Variants in NPC1L1 observed in about 807,000 individuals in gnomAD.
NPC1L1 encodes the protein NPC1 like intracellular cholesterol transporter 1.
Under a neutral mutation model 117.0 loss-of-function variants are expected in NPC1L1, and 98 were observed. That is an observed-to-expected ratio of 0.84 (90% CI 0.71 to 0.99). The LOEUF is 0.99. Among genes scored for constraint, NPC1L1 ranks in the 50% least tolerant of loss-of-function variants. NPC1L1 has a pLI of 0.00. For missense variants in NPC1L1, 1,540 were observed against 1,710.0 expected (o/e 0.90, Z 1.75); for synonymous variants, 729 against 727.6 (o/e 1.00, Z -0.03).
Position 44,536,030 on chromosome 7 carries a change from A to T in NPC1L1, c.1855-62T>A. ...GCCTGCTTCAGCCAGGCCAGCTCTC[A>T]ATAGCTCGGTCACTGGGCACTAATT... On this transcript the variant is annotated intron_variant, in intron 4 of 18. Transcript: ENST00000381160. This position sits in a 1 kb window ranked among gnomAD's most constrained non-coding sequence, Gnocchi z 4.7. 6.2e-7 allele frequency: 1 copy of T among 1,611,322 alleles called. No homozygotes were observed. Among genetic ancestry groups the T allele is most frequent in the Non-Finnish European group, 8.5e-7 (1 of 1,179,502 alleles).
intron 8 of NPC1L1, 190 bp downstream of exon 8, chr7:44,533,241 T>TTTA: frequency 1.6e-6 from 1 of 624,732 alleles, no homozygotes; most frequent in Non-Finnish European, 2.7e-6. Flanking sequence ...ATTTAAAAAA[T>TTTA]TGTCAAAACA....
At position 44,513,331 on chromosome 7, in the gene NPC1L1, T is replaced by C. The variant is rs1365911801; in HGVS notation, c.*116A>G. 1 of 992,768 alleles carries C rather than the reference T, an allele frequency of 1.0e-6. No homozygotes were observed. Among genetic ancestry groups the C allele is most frequent in the Non-Finnish European group, 1.6e-6 (1 of 632,048 alleles). 61.5% of individuals were successfully genotyped at this position (992,768 alleles called of 1,614,324 possible). A position where few individuals can be genotyped will look rare whatever the true frequency, so the allele number is the denominator to read the frequency against. ...CATCCTCCAGTGACAGGCAGTCTCATGGGAATGGCCTCCCCTAGGATTTGA... is the reference window on the plus strand; with the variant it reads ...CATCCTCCAGTGACAGGCAGTCTCACGGGAATGGCCTCCCCTAGGATTTGA... On this transcript the variant is annotated 3_prime_UTR_variant, in exon 19 of 19. Transcript: ENST00000381160.
At position 44,536,990 on chromosome 7, in the gene NPC1L1, C is replaced by A; in HGVS notation, c.1581-48G>T. On this transcript the variant is annotated intron_variant, in intron 2 of 18. Transcript: ENST00000381160. This position sits in a 1 kb window ranked among gnomAD's most constrained non-coding sequence, Gnocchi z 4.7. ...GGAAAGGGCCTTTCCTGGCCCTGCC[C>A]AGTCCCTATGGCCCCTCCCTTCCCC... The A allele has an allele frequency of 1.3e-6, 2 of 1,524,056 alleles. No homozygotes were observed. The highest frequency in any genetic ancestry group is 2.3e-5 in the East Asian group (1 of 43,678). 94.4% of individuals were successfully genotyped at this position (1,524,056 alleles called of 1,614,324 possible).
At position 44,520,818 on chromosome 7, in the gene NPC1L1, C is replaced by T; in HGVS notation, c.3083G>A (p.Gly1028Asp). ...DRPNIKCPKG[G>D]LAAYSTSVNL... The stretch of plus-strand genomic sequence containing the variant: ...CACAGAGGTGCTGTATGCTGCCAGG[C>T]CGCTGCAAGAAGGTCAGGGCAAAGG... The change falls in exon 14 of 19, where the codon GGC becomes GAC. Residue 1028 changes from glycine (G) to aspartate (D), a missense_variant and splice_region_variant. Transcript: ENST00000381160. 1 of 1,614,110 alleles carries T rather than the reference C, an allele frequency of 6.2e-7. No homozygotes were observed. The highest frequency in any genetic ancestry group is 2.2e-5 in the East Asian group (1 of 44,878).
In NPC1L1 at chr7:44,513,561, G is replaced by T; in HGVS notation, c.3885C>A (p.His1295Gln). ...TGTCAGCTGTGGAGACTCGGGAGGGGTGATTTGGGCAAGAGGCCACCATGA... is the reference window on the plus strand; with the variant it reads ...TGTCAGCTGTGGAGACTCGGGAGGGTTGATTTGGGCAAGAGGCCACCATGA... Reference protein sequence around the residue: ...AAVMVASCPNHPSRVSTADNI... With the variant: ...AAVMVASCPNQPSRVSTADNI... Residue 1295 changes from histidine (H) to glutamine (Q), a missense_variant, in exon 19 of 19, where the codon CAC becomes CAA. By Grantham distance (24) the His-to-Gln change is conservative. Transcript: ENST00000381160. The T allele has an allele frequency of 1.9e-6, 3 of 1,614,098 alleles. No individual in the cohort carries two copies. The highest frequency in any genetic ancestry group is 1.3e-5 in the African/African-American group (1 of 75,026).
In NPC1L1 at chr7:44,538,879, G is replaced by T; in HGVS notation, c.1518C>A (p.Asn506Lys). ...GGGAGGTCTGCCCCATCAGTGTCTGGTTGGCTGTGAGCAGCAGGAGCGTGC... is the reference window on the plus strand; with the variant it reads ...GGGAGGTCTGCCCCATCAGTGTCTGTTTGGCTGTGAGCAGCAGGAGCGTGC... ...NNRTLLLLTANQTLMGQTSQV... is the reference protein window; with the variant it reads ...NNRTLLLLTAKQTLMGQTSQV... Residue 506 changes from asparagine (N) to lysine (K), a missense_variant, in exon 2 of 19, where the codon AAC (asparagine) becomes AAA (lysine). Around this residue, in one of 3 missense-constraint regions of NPC1L1, gnomAD observed 793 missense variants for 820.4 expected, o/e 0.97. Transcript: ENST00000381160. This position sits in a 1 kb window ranked among gnomAD's most constrained non-coding sequence, Gnocchi z 5.9. The T allele has an allele frequency of 5.6e-6, 9 of 1,614,224 alleles. No individual in the cohort carries two copies. The highest frequency in any genetic ancestry group is 7.6e-6 in the Non-Finnish European group (9 of 1,180,030).
rs566311757 is a variant in NPC1L1 at position 44,538,566 on chromosome 7, G to A, written c.1580+251C>T. ...CAAGAAATCTGCAGAAAGACAGAGT[G>A]GACTCGGGGTTGAAGGGCCAGCGAT... On this transcript the variant is annotated intron_variant, in intron 2 of 18. Coordinates refer to ENST00000381160, the MANE Select transcript of NPC1L1 (RefSeq NM_001101648.2). This position sits in a 1 kb window ranked among gnomAD's most constrained non-coding sequence, Gnocchi z 5.9. 2.1e-3 allele frequency among the ~76,000 whole-genome samples: 313 copies of A among 152,386 alleles called. No homozygotes were observed. The highest frequency in any genetic ancestry group is 3.5e-3 in the Non-Finnish European group (236 of 68,044).
rs52815063 is a variant in NPC1L1, at chr7:44,516,100, A to T, written c.3617T>A (p.Ile1206Asn). 0.012 allele frequency: 18,941 copies of T among 1,612,224 alleles called. 148 individuals are homozygous for T. Among genetic ancestry groups the T allele is most frequent in the Non-Finnish European group, 0.014 (16,319 of 1,179,160 alleles). ...TWLERAKEAT[I>N]SMGSAVFAGV... is the part of the protein sequence containing the mutation. ...TCCACTCACCGCACTTCCCATAGAGATGGTGGCCTCTTTGGCCCTCTCCAG... is the reference window on the plus strand; with the variant it reads ...TCCACTCACCGCACTTCCCATAGAGTTGGTGGCCTCTTTGGCCCTCTCCAG... The change falls in exon 17 of 19, where the codon ATC (isoleucine) becomes AAC (asparagine). Residue 1206 changes from isoleucine to asparagine, a missense_variant. Coordinates refer to ENST00000381160, the MANE Select transcript of NPC1L1 (RefSeq NM_001101648.2).
intron 8 of NPC1L1, among the ~76,000 whole-genome samples, chr7:44,532,976 G>A (rs1398430249): frequency 2.0e-5 from 3 of 152,110 alleles, no homozygotes; most frequent in Non-Finnish European, 4.4e-5. Flanking sequence ...TGCAGGAGGA[G>A]GGGGCCTGTA....
intron 2 of NPC1L1, among the ~76,000 whole-genome samples, chr7:44,537,970 G>A (rs113223818): frequency 0.016 from 2,394 of 152,292 alleles, 26 homozygotes; most frequent in Non-Finnish European, 0.025. Flanking sequence ...AGAAAGTGTC[G>A]GCACTCTCTT....
Position 44,521,736 on chromosome 7 carries a change from CCT to C in NPC1L1, c.2927_2928del (p.Lys976ArgfsTer34). On this transcript the variant is annotated frameshift_variant, in exon 12 of 19. Coordinates refer to ENST00000381160, the MANE Select transcript of NPC1L1 (RefSeq NM_001101648.2). LOFTEE classifies it high-confidence loss of function. ...CCRLYISGPNKDKFCPSTVNS... is the reference protein window; with the variant it reads ...CCRLYISGPNXDKFCPSTVNS... The stretch of plus-strand genomic sequence containing the variant: ...CTGACGGTCGAGGGGCAGAACTTGT[CCT>C]TATTGGGGCCAGATATATAAAGGCG... The C allele has an allele frequency of 6.2e-7, 1 of 1,614,116 alleles. No individual in the cohort carries two copies. The highest frequency in any genetic ancestry group is 1.3e-5 in the African/African-American group (1 of 75,014).
chr7:44,535,311 C>T (rs1338524754), intron 5 of NPC1L1, among the ~76,000 whole-genome samples: 1 of 152,010 alleles, frequency 6.6e-6, no homozygotes. Flanking sequence ...TTGCAGTGAG[C>T]CGAGATCGCG....
At chr7:44,521,156 G>A (rs769210897) in intron 12 of NPC1L1, 38 bp from the exon 13 acceptor site, 4 of 1,613,440 alleles carry the variant, frequency 2.5e-6, no homozygotes, top group South Asian at 2.2e-5. Flanking sequence ...TGACACCCCA[G>A]GGCCAGCAGC....
In NPC1L1 at chr7:44,536,094, G is replaced by T; in HGVS notation, c.1855-126C>A. On this transcript the variant is annotated intron_variant, in intron 4 of 18. Transcript: ENST00000381160. The surrounding 1 kb of genome is among the most constrained non-coding windows in gnomAD (Gnocchi z 4.7). ...TAGGGCCTGATGGCCCCCTATAATC[G>T]CAGGTGAGGCTATAAGAACAGCCAT... 3.2e-6 allele frequency: 5 copies of T among 1,540,618 alleles called. No homozygotes were observed. Among genetic ancestry groups the T allele is most frequent in the East Asian group, 2.3e-5 (1 of 44,386 alleles).
In NPC1L1 at chr7:44,532,066, C is replaced by T. The variant is rs371388631; in HGVS notation, c.2547+14G>A. 49 of 1,614,028 alleles carry T rather than the reference C, an allele frequency of 3.0e-5. No homozygotes were observed. The highest frequency in any genetic ancestry group is 1.3e-4 in the Admixed American group (8 of 60,002). ...CTAGTGCCCCTGCTCTCGTGTGGTT[C>T]GAGGCCCACTCACCACAACACCTCG... On this transcript the variant is annotated intron_variant, in intron 9 of 18. Coordinates refer to ENST00000381160, the MANE Select transcript of NPC1L1 (RefSeq NM_001101648.2).
In NPC1L1 at chr7:44,512,926, A is replaced by C. The variant is rs180957113; in HGVS notation, c.*521T>G. ...TGGCAGACCTGCAGGTGCGCCCTGG[A>C]GGGAGTGGCTGCCGACCGGCCTCCC... On this transcript the variant is annotated 3_prime_UTR_variant, in exon 19 of 19. Coordinates refer to ENST00000381160, the MANE Select transcript of NPC1L1 (RefSeq NM_001101648.2). 4.2e-3 allele frequency: 848 copies of C among 200,794 alleles called. 10 individuals carry two copies. Among genetic ancestry groups the C allele is most frequent in the African/African-American group, 0.019 (810 of 43,326 alleles). 12.4% of individuals were successfully genotyped at this position (200,794 alleles called of 1,614,324 possible).
chr7:44,539,855 G>C lies in NPC1L1; in HGVS notation c.542C>G (p.Ala181Gly), dbSNP rs761856857. The part of the protein sequence containing the change: ...SCSRVRVPAA[A>G]TLAVGTMCGV... ...ACACATGGTGCCCACAGCCAGCGTG[G>C]CAGCTGCAGGGACGCGCACACGGCT... The change falls in exon 2 of 19, where the codon GCC (alanine) becomes GGC (glycine). Residue 181 changes from alanine to glycine, a missense_variant. Ala to Gly is a moderately conservative substitution (Grantham distance 60, BLOSUM62 0). Coordinates refer to ENST00000381160, the MANE Select transcript of NPC1L1 (RefSeq NM_001101648.2). The surrounding 1 kb of genome is among the most constrained non-coding windows in gnomAD (Gnocchi z 4.4). The C allele has an allele frequency of 6.2e-7, 1 of 1,614,116 alleles. No homozygotes were observed. Among genetic ancestry groups the C allele is most frequent in the Non-Finnish European group, 8.5e-7 (1 of 1,180,046 alleles).
At chr7:44,526,705 A>C (rs1801528298) in intron 10 of NPC1L1, among the ~76,000 whole-genome samples, 1 of 152,080 alleles carries the variant, frequency 6.6e-6, no homozygotes, top group East Asian at 1.9e-4. Flanking sequence ...TGAGACCCCC[A>C]TCTCAAAAAA....
Position 44,513,045 on chromosome 7 carries a change from A to C in NPC1L1, c.*402T>G. The C allele has an allele frequency of 3.3e-6, 1 of 304,702 alleles. No homozygotes were observed. The highest frequency in any genetic ancestry group is 6.5e-6 in the Non-Finnish European group (1 of 154,108). 18.9% of individuals were successfully genotyped at this position (304,702 alleles called of 1,614,324 possible). A position where few individuals can be genotyped will look rare whatever the true frequency, so the allele number is the denominator to read the frequency against. ...GGTCATTGTCTGTGTTCTCAGGGAC[A>C]CTGCTACGTGTTAAAGACTTACTGA... On this transcript the variant is annotated 3_prime_UTR_variant, in exon 19 of 19. Coordinates refer to ENST00000381160, the MANE Select transcript of NPC1L1 (RefSeq NM_001101648.2).
Sources: gnomAD v4.1 joint callset for allele counts (sites outside exome capture counted in the v4.1 genomes callset) on GRCh38, gnomAD v4.1.1 for gene constraint, gnomAD v4.1.1 regional missense constraint, Gnocchi (gnomAD v3.1) non-coding constraint, MANE v1.5 for transcripts, NCBI Gene and HGNC (gene_info 2026-07-23, HGNC 2026-07-21) for gene names.